Variants in ILKAP observed in about 807,000 individuals in gnomAD.
The protein encoded by ILKAP is integrin-linked kinase-associated serine/threonine phosphatase 2C.
Under a neutral mutation model 49.1 loss-of-function variants are expected in ILKAP, and 11 were observed. The observed-to-expected ratio is 0.22, with a 90% CI of 0.14 to 0.37. The LOEUF (loss-of-function observed/expected upper bound fraction) is 0.37. Ranked by LOEUF, ILKAP falls within the 10% of genes least tolerant of loss-of-function variation. The probability of loss-of-function intolerance (pLI) is 1.00; values close to 1 mark genes in which losing one functional copy is unlikely to be tolerated. For synonymous variants in ILKAP, 186 were observed against 192.8 expected, an observed-to-expected ratio of 0.96 and a Z score of 0.29; for missense variants, 363 against 510.8, an observed-to-expected ratio of 0.71 and a Z score of 2.79.
At chr2:238,199,137 C>T (rs1269572171) in intron 1 of ILKAP, among the ~76,000 whole-genome samples, 1 of 152,172 alleles carries the variant, frequency 6.6e-6, no homozygotes, top group Non-Finnish European at 1.5e-5. Context: ...CAGGCCAACA[C>T]ACCCAAGTCT....
In ILKAP at chr2:238,173,634, C is replaced by T. The variant is rs1010751554; in HGVS notation, c.856G>A (p.Val286Met). 52 of 1,613,682 alleles carry T rather than the reference C, an allele frequency of 3.2e-5. 1 individual carries two copies. The highest frequency in any genetic ancestry group is 1.1e-4 in the South Asian group (10 of 91,082). The change falls in exon 10 of 12, where the codon GTG (valine) becomes ATG (methionine). Residue 286 changes from valine (V) to methionine (M), a missense_variant. Transcript: ENST00000254654. The part of the protein sequence containing the change: ...GNVRDGRVLG[V>M]LEVSRSIGDG... ...CCAATGGAGCGTGACACCTCTAGCA[C>T]GCCCAAAACACGCCCATCCCTAAAA...
chr2:238,191,939 G>A (rs559349226), intron 3 of ILKAP, among the ~76,000 whole-genome samples: 8 of 151,174 alleles, frequency 5.3e-5, no homozygotes, highest in East Asian at 1.9e-4. Context: ...AAGGCCAGGC[G>A]CAGCGGCTCA....
At chr2:238,190,024 A>T in intron 3 of ILKAP, 52 bp from the exon 4 acceptor site, 3 of 1,598,762 alleles carry the variant, frequency 1.9e-6, no homozygotes, top group Non-Finnish European at 2.6e-6. Flanking sequence ...CTGTTGGAAA[A>T]AGTCACTAGT....
intron 5 of ILKAP, 24 bp downstream of exon 5, chr2:238,188,107 G>A (rs1413814591): frequency 2.5e-6 from 4 of 1,611,988 alleles, no homozygotes; most frequent in South Asian, 1.1e-5. Flanking sequence ...ATGCCAGCCG[G>A]GCTTCCTACC....
chr2:238,199,777 C>CT (rs879423731), intron 1 of ILKAP, among the ~76,000 whole-genome samples: 59 of 144,848 alleles, frequency 4.1e-4, no homozygotes, highest in East Asian at 6.0e-4. Flanking sequence ...AAATATTCTT[C>CT]TTTTTTTTTT....
chr2:238,170,726 C>T (rs887572211), intron 11 of ILKAP, 50 bp from the exon 12 acceptor site: 35 of 1,600,954 alleles, frequency 2.2e-5, no homozygotes, highest in Non-Finnish European at 3.0e-5. Context: ...CGCACCCTGT[C>T]ACTTTCCTGA....
intron 6 of ILKAP, 52 bp from the exon 7 acceptor site, chr2:238,184,165 C>T (rs1262578632): frequency 3.1e-6 from 3 of 962,258 alleles, no homozygotes; most frequent in Non-Finnish European, 5.0e-6. Flanking sequence ...GAAGATTATC[C>T]TCCTCCCACT....
At chr2:238,171,781 G>A (rs984299736) in intron 10 of ILKAP, among the ~76,000 whole-genome samples, 1 of 152,190 alleles carries the variant, frequency 6.6e-6, no homozygotes, top group Non-Finnish European at 1.5e-5. Flanking sequence ...ACAGCTTGGG[G>A]CTGCATCCAA....
At chr2:238,193,778 A>G (rs62194901) in intron 3 of ILKAP, among the ~76,000 whole-genome samples, 42,232 of 152,090 alleles carry the variant, frequency 0.28, 6,261 homozygotes, top group South Asian at 0.37. Context: ...ACCTTCCCCA[A>G]CCAGAGGAGC....
intron 3 of ILKAP, among the ~76,000 whole-genome samples, chr2:238,192,658 C>T (rs981932298): frequency 2.0e-5 from 3 of 150,556 alleles, no homozygotes; most frequent in African/African-American, 2.4e-5. Flanking sequence ...TGAGATCGCG[C>T]CACTGCACTC....
chr2:238,200,191 T>C (rs1005048306), intron 1 of ILKAP, among the ~76,000 whole-genome samples: 4 of 137,536 alleles, frequency 2.9e-5, no homozygotes, highest in Non-Finnish European at 4.8e-5. Flanking sequence ...CTGCCTGATA[T>C]GAACAAACAC....
intron 4 of ILKAP, among the ~76,000 whole-genome samples, chr2:238,189,094 A>G (rs929559976): frequency 8.5e-5 from 13 of 152,088 alleles, no homozygotes; most frequent in African/African-American, 3.1e-4. Flanking sequence ...CGAGGCGGGC[A>G]GATCACAAAG....
At chr2:238,174,913 G>A (rs1049217267) in intron 9 of ILKAP, among the ~76,000 whole-genome samples, 1 of 152,168 alleles carries the variant, frequency 6.6e-6, no homozygotes, top group Non-Finnish European at 1.5e-5. Context: ...GGTGTCTGGT[G>A]TGGCTTCCGG....
At chr2:238,192,681 C>CAG (rs1325140269) in intron 3 of ILKAP, among the ~76,000 whole-genome samples, 4 of 129,808 alleles carry the variant, frequency 3.1e-5, no homozygotes, top group Non-Finnish European at 4.8e-5. Context: ...GCCTGGGCAA[C>CAG]AGAGAGAGAG....
chr2:238,197,766 C>G (rs966747118), intron 1 of ILKAP, among the ~76,000 whole-genome samples: 4 of 152,128 alleles, frequency 2.6e-5, no homozygotes, highest in Non-Finnish European at 4.4e-5. Context: ...CACAATGAGA[C>G]CATCCTACAT....
At chr2:238,187,576 T>G (rs929467477) in intron 5 of ILKAP, among the ~76,000 whole-genome samples, 1 of 152,226 alleles carries the variant, frequency 6.6e-6, no homozygotes, top group African/African-American at 2.4e-5. Context: ...AATTTTTCAT[T>G]GTCTGTCTTT....
chr2:238,185,617 C>G, intron 5 of ILKAP: 1 of 213,460 alleles, frequency 4.7e-6, no homozygotes, highest in Non-Finnish European at 9.6e-6. Context: ...TCCTGGCTAA[C>G]ACGGTGAAAC....
chr2:238,178,567 A>T (rs1004249133), intron 9 of ILKAP, among the ~76,000 whole-genome samples: 7 of 152,244 alleles, frequency 4.6e-5, no homozygotes, highest in African/African-American at 1.7e-4. Context: ...TCTAGCATTA[A>T]GAGAAACGAG....
intron 10 of ILKAP, among the ~76,000 whole-genome samples, chr2:238,172,700 C>T (rs1470851104): frequency 2.6e-5 from 4 of 152,220 alleles, no homozygotes; most frequent in Admixed American, 6.5e-5. Flanking sequence ...GCAAGGCACG[C>T]GCTCTTCATC....
Sources: gnomAD v4.1 joint callset for allele counts (sites outside exome capture counted in the v4.1 genomes callset) on GRCh38, gnomAD v4.1.1 for gene constraint, MANE v1.5 for transcripts, NCBI Gene and HGNC (gene_info 2026-07-23, HGNC 2026-07-21) for gene names.